Variants in MTA3 observed in about 807,000 individuals in gnomAD.
MTA3 encodes metastasis associated 1 family member 3.
MTA3 carries 34 observed loss-of-function variants against 83.5 expected under a neutral mutation model. The ratio of observed to expected loss-of-function variants is 0.41; its 90% CI spans 0.31 to 0.54. MTA3 has a LOEUF of 0.54. Among genes scored for constraint, MTA3 ranks in the 20% least tolerant of loss-of-function variants. The pLI is 0.33. For synonymous variants in MTA3, 303 were observed against 252.7 expected (o/e 1.20, Z -1.89); for missense variants, 761 against 726.4 (o/e 1.05, Z -0.55).
At chr2:42,538,092 G>A (rs1676333649) in intron 2 of MTA3, among the ~76,000 whole-genome samples, 1 of 152,022 alleles carries the variant, frequency 6.6e-6, no homozygotes, top group Non-Finnish European at 1.5e-5. Context: ...AATCAGACAG[G>A]TATGGTGGCG....
chr2:42,711,400 A>G (rs967596233), intron 14 of MTA3, among the ~76,000 whole-genome samples: 3 of 152,212 alleles, frequency 2.0e-5, no homozygotes, highest in East Asian at 1.9e-4. Flanking sequence ...TTTTATTTCT[A>G]TAAGCATATA....
chr2:42,697,234 T>A (rs1426805814), intron 10 of MTA3, among the ~76,000 whole-genome samples: 1 of 152,224 alleles, frequency 6.6e-6, no homozygotes, highest in Non-Finnish European at 1.5e-5. Context: ...CAGTAGAATA[T>A]TATGTGAATT....
chr2:42,494,416 C>T (rs1674035147), upstream of MTA3, among the ~76,000 whole-genome samples: 1 of 152,202 alleles, frequency 6.6e-6, no homozygotes, highest in Non-Finnish European at 1.5e-5. Flanking sequence ...AGAAACTGTC[C>T]GGAGCCCAGC....
At chr2:42,579,246 T>G (rs920395314) in intron 3 of MTA3, 46 bp downstream of exon 3, 2 of 1,383,276 alleles carry the variant, frequency 1.4e-6, no homozygotes, top group African/African-American at 2.9e-5. Context: ...AGTCTTGTGT[T>G]TTTTGTGATG....
At chr2:42,587,583 C>A (rs1212652048) in intron 3 of MTA3, among the ~76,000 whole-genome samples, 1 of 151,684 alleles carries the variant, frequency 6.6e-6, no homozygotes, top group Admixed American at 6.6e-5. Context: ...ATTTTCCCTT[C>A]TTTTATTTAT....
intron 8 of MTA3, among the ~76,000 whole-genome samples, chr2:42,670,067 C>T (rs1219619133): frequency 1.3e-5 from 2 of 152,118 alleles, no homozygotes; most frequent in African/African-American, 4.8e-5. Flanking sequence ...CGAGACCAGC[C>T]TGACCAACAT....
chr2:42,729,001 G>A (rs1236134531), intron 16 of MTA3, among the ~76,000 whole-genome samples: 1 of 149,818 alleles, frequency 6.7e-6, no homozygotes, highest in Non-Finnish European at 1.5e-5. Flanking sequence ...GCCTGTGCCT[G>A]TGGATATTAC....
chr2:42,541,842 C>T (rs193016046), intron 2 of MTA3, among the ~76,000 whole-genome samples: 22 of 152,234 alleles, frequency 1.4e-4, no homozygotes, highest in African/African-American at 5.3e-4. Flanking sequence ...CTATTCAAAC[C>T]ACTTCTTCCC....
chr2:42,610,982 C>CTTTTTTTTTTTT (rs773889459), intron 4 of MTA3, among the ~76,000 whole-genome samples: 1 of 135,998 alleles, frequency 7.4e-6, no homozygotes, highest in African/African-American at 2.7e-5. Context: ...CTTTTCTTTT[C>CTTTTTTTTTTTT]TTTTTTTTTT....
At chr2:42,504,722 C>T (rs983894372) in intron 2 of MTA3, among the ~76,000 whole-genome samples, 6 of 151,366 alleles carry the variant, frequency 4.0e-5, no homozygotes, top group Admixed American at 2.6e-4. Flanking sequence ...GTCTTGAACT[C>T]CCGGGTTCAA....
chr2:42,734,470 C>CTTTTTTTTT (rs3040123), intron 16 of MTA3, among the ~76,000 whole-genome samples: 4 of 82,464 alleles, frequency 4.9e-5, no homozygotes, highest in Admixed American at 1.4e-4. Flanking sequence ...ATCACGGGGC[C>CTTTTTTTTT]TTTTTTTTTT....
chr2:42,746,659 C>A (rs1669458437), intron 16 of MTA3, among the ~76,000 whole-genome samples: 1 of 152,186 alleles, frequency 6.6e-6, no homozygotes, highest in Admixed American at 6.5e-5. Flanking sequence ...TCCTTGGGTT[C>A]AATTAATATG....
chr2:42,626,308 T>A (rs954583904), intron 4 of MTA3, among the ~76,000 whole-genome samples: 5 of 149,674 alleles, frequency 3.3e-5, no homozygotes, highest in Non-Finnish European at 7.4e-5. Flanking sequence ...TTTTTTAAAA[T>A]TTTTTTTGAT....
chr2:42,645,205 C>G (rs930386649), intron 6 of MTA3, among the ~76,000 whole-genome samples: 1 of 149,000 alleles, frequency 6.7e-6, no homozygotes, highest in Non-Finnish European at 1.5e-5. Context: ...AAAAGCTACA[C>G]CAGTGAACAC....
At chr2:42,581,572 G>T (rs1394746309) in intron 3 of MTA3, among the ~76,000 whole-genome samples, 1 of 149,694 alleles carries the variant, frequency 6.7e-6, no homozygotes, top group African/African-American at 2.5e-5. Context: ...TGGTAGAAAT[G>T]GGGTCTTGTT....
At chr2:42,600,212 A>AAACC (rs1682391823) in intron 3 of MTA3, among the ~76,000 whole-genome samples, 1 of 152,088 alleles carries the variant, frequency 6.6e-6, no homozygotes, top group Non-Finnish European at 1.5e-5. Flanking sequence ...AAAACAAAAC[A>AAACC]AAACAAAAAA....
At chr2:42,599,804 C>G (rs1437062693) in intron 3 of MTA3, among the ~76,000 whole-genome samples, 1 of 151,984 alleles carries the variant, frequency 6.6e-6, no homozygotes, top group Admixed American at 6.6e-5. Flanking sequence ...GTTTTTGTAG[C>G]TTAAGGAGTT....
chr2:42,588,660 A>G (rs779521895), intron 3 of MTA3, among the ~76,000 whole-genome samples: 1 of 152,156 alleles, frequency 6.6e-6, no homozygotes, highest in Non-Finnish European at 1.5e-5. Flanking sequence ...CTAACAAAAG[A>G]TTATTAATTA....
chr2:42,607,055 CGGAGGTAGAGGT>C (rs1558491480), intron 3 of MTA3, among the ~76,000 whole-genome samples: 1 of 122,312 alleles, frequency 8.2e-6, no homozygotes, highest in African/African-American at 3.2e-5. Context: ...AGAGGGAGAC[CGGAGGTAGAGGT>C]AGGGGTAGGG....
Sources: allele counts gnomAD v4.1 joint callset (sites outside exome capture counted in the v4.1 genomes callset), GRCh38; gene constraint gnomAD v4.1.1; transcripts MANE v1.5; gene names NCBI Gene and HGNC (gene_info 2026-07-23, HGNC 2026-07-21).